Variants in KHDRBS2 observed in about 807,000 individuals in gnomAD.
The protein encoded by KHDRBS2 is KH RNA binding domain containing, signal transduction associated 2.
Under a neutral mutation model 44.3 loss-of-function variants are expected in KHDRBS2, and 26 were observed. The ratio of observed to expected loss-of-function variants is 0.59; its 90% CI spans 0.43 to 0.81. The LOEUF (loss-of-function observed/expected upper bound fraction) is 0.81. Among genes scored for constraint, KHDRBS2 ranks in the 40% least tolerant of loss-of-function variants. The pLI is 0.00. For missense variants in KHDRBS2, 476 were observed against 433.1 expected (o/e 1.10, Z -0.88); for synonymous variants, 194 against 151.1 (o/e 1.28, Z -2.08).
chr6:61,889,049 TC>T (rs1801412396), intron 6 of KHDRBS2, among the ~76,000 whole-genome samples: 1 of 152,144 alleles, frequency 6.6e-6, no homozygotes, highest in Admixed American at 6.5e-5. Flanking sequence ...ATTATTAATA[TC>T]TATGACTTCA....
At chr6:62,111,208 T>C (rs1331914929) in intron 2 of KHDRBS2, among the ~76,000 whole-genome samples, 1 of 152,114 alleles carries the variant, frequency 6.6e-6, no homozygotes, top group Non-Finnish European at 1.5e-5. Context: ...TTTAAATTTA[T>C]GAACATTTTA....
the KHDRBS2 span, among the ~76,000 whole-genome samples, chr6:61,599,415 T>A: frequency 6.6e-6 from 1 of 152,134 alleles, no homozygotes; most frequent in Non-Finnish European, 1.5e-5. Context: ...AGATTTTGAA[T>A]ACCATGGACA....
At chr6:61,850,269 C>A (rs962683148) in intron 6 of KHDRBS2, among the ~76,000 whole-genome samples, 6 of 151,988 alleles carry the variant, frequency 3.9e-5, no homozygotes, top group African/African-American at 1.4e-4. Flanking sequence ...ACAAATCAGA[C>A]TTTTAATATA....
chr6:61,906,887 A>G (rs7769760), intron 4 of KHDRBS2, among the ~76,000 whole-genome samples: 131,680 of 151,676 alleles, frequency 0.87, 57,577 homozygotes, highest in African/African-American at 0.95. Flanking sequence ...TTGATATACT[A>G]GTTTGCTTTT....
chr6:61,725,583 T>G (rs1773417288), intron 7 of KHDRBS2, among the ~76,000 whole-genome samples: 1 of 151,494 alleles, frequency 6.6e-6, no homozygotes, highest in Admixed American at 6.6e-5. Flanking sequence ...AAGAATCAAA[T>G]AAACACAATC....
intron 1 of KHDRBS2, among the ~76,000 whole-genome samples, chr6:62,243,528 C>T (rs187541242): frequency 7.9e-4 from 120 of 151,144 alleles, no homozygotes; most frequent in African/African-American, 2.6e-3. Context: ...TATTATTTTA[C>T]GTGACACTTT....
At chr6:61,939,432 T>C (rs910592820) in intron 4 of KHDRBS2, among the ~76,000 whole-genome samples, 2 of 152,216 alleles carry the variant, frequency 1.3e-5, no homozygotes, top group African/African-American at 4.8e-5. Context: ...TCCTCAAATG[T>C]AGGCTCCATC....
At chr6:62,098,722 A>G (rs780376565) in intron 2 of KHDRBS2, among the ~76,000 whole-genome samples, 5 of 152,100 alleles carry the variant, frequency 3.3e-5, no homozygotes, top group Non-Finnish European at 7.4e-5. Context: ...AATTTTTTGA[A>G]TATTCTTTCT....
chr6:61,898,870 A>G (rs1803424609), intron 5 of KHDRBS2, among the ~76,000 whole-genome samples: 1 of 151,940 alleles, frequency 6.6e-6, no homozygotes, highest in Non-Finnish European at 1.5e-5. Context: ...ATTGAGATGA[A>G]ATGGAATTAT....
intron 5 of KHDRBS2, among the ~76,000 whole-genome samples, chr6:61,898,177 A>T (rs1803286638): frequency 6.6e-6 from 1 of 152,082 alleles, no homozygotes. Context: ...TCATAAAGTA[A>T]TAATTTCATA....
intron 4 of KHDRBS2, among the ~76,000 whole-genome samples, chr6:61,945,112 A>ATAT (rs1491476068): frequency 2.1e-5 from 1 of 48,414 alleles, no homozygotes; most frequent in Non-Finnish European, 3.6e-5. Context: ...AAAAAAAAAA[A>ATAT]GTATATATAT....
chr6:61,673,426 C>A, the KHDRBS2 span, among the ~76,000 whole-genome samples: 2 of 151,470 alleles, frequency 1.3e-5, 1 homozygote, highest in South Asian at 4.2e-4. Flanking sequence ...CTGGCCAGGG[C>A]AATTAGGCAG....
At chr6:62,151,312 G>A (rs539932159) in intron 2 of KHDRBS2, among the ~76,000 whole-genome samples, 9 of 152,214 alleles carry the variant, frequency 5.9e-5, no homozygotes, top group Non-Finnish European at 8.8e-5. Flanking sequence ...AACCCAAGTT[G>A]GATTCACATA....
chr6:62,162,062 AT>A (rs1466541345), intron 2 of KHDRBS2, among the ~76,000 whole-genome samples: 1 of 152,102 alleles, frequency 6.6e-6, no homozygotes, highest in Non-Finnish European at 1.5e-5. Context: ...CTTTTAAACC[AT>A]TTAAAAATGT....
At chr6:62,204,793 T>G (rs1300852892) in intron 1 of KHDRBS2, among the ~76,000 whole-genome samples, 1 of 152,138 alleles carries the variant, frequency 6.6e-6, no homozygotes, top group African/African-American at 2.4e-5. Flanking sequence ...CTGTGAGGAA[T>G]CAGCATATAC....
intron 1 of KHDRBS2, among the ~76,000 whole-genome samples, chr6:62,194,413 G>A (rs1028799061): frequency 1.4e-5 from 2 of 145,254 alleles, no homozygotes; most frequent in Non-Finnish European, 3.0e-5. Context: ...GACTTTCTAA[G>A]CAATTATATT....
the KHDRBS2 span, among the ~76,000 whole-genome samples, chr6:61,587,010 C>G: frequency 2.6e-5 from 4 of 152,142 alleles, no homozygotes; most frequent in East Asian, 7.7e-4. Context: ...GCTGCACACC[C>G]GTTCATTTCA....
At chr6:61,778,356 T>C (rs1196541746) in intron 6 of KHDRBS2, among the ~76,000 whole-genome samples, 1 of 152,090 alleles carries the variant, frequency 6.6e-6, no homozygotes, top group African/African-American at 2.4e-5. Flanking sequence ...ATCTTTATCA[T>C]AACTCATTGA....
At chr6:62,000,392 G>A (rs1778013960) in intron 3 of KHDRBS2, among the ~76,000 whole-genome samples, 1 of 152,002 alleles carries the variant, frequency 6.6e-6, no homozygotes, top group Non-Finnish European at 1.5e-5. Flanking sequence ...TTAGTTGATT[G>A]GATTTGGAAT....
Sources: allele counts gnomAD v4.1 joint callset (sites outside exome capture counted in the v4.1 genomes callset), GRCh38; gene constraint gnomAD v4.1.1; transcripts MANE v1.5; gene names NCBI Gene and HGNC (gene_info 2026-07-23, HGNC 2026-07-21).